Variants in GABRA3 observed in about 807,000 individuals in gnomAD.
GABRA3 encodes the protein gamma-aminobutyric acid type A receptor subunit alpha3, also known as gamma-aminobutyric acid receptor subunit alpha-3.
GABRA3 carries 10 observed loss-of-function variants against 30.1 expected under a neutral mutation model. The ratio of observed to expected loss-of-function variants is 0.33; its 90% CI spans 0.20 to 0.56. GABRA3 has a LOEUF of 0.56. GABRA3 is among the 20% of genes least tolerant of loss of function. The probability of loss-of-function intolerance (pLI) is 0.89; values close to 1 mark genes in which losing one functional copy is unlikely to be tolerated. For synonymous variants in GABRA3, 151 were observed against 146.8 expected (o/e 1.03, Z -0.21); for missense variants, 233 against 392.0 (o/e 0.59, Z 3.42).
Position 152,332,951 on chromosome X carries a change from C to A in GABRA3, c.262+12630G>T, listed in dbSNP as rs189943718. On this transcript the variant is annotated intron_variant, in intron 3 of 9. Coordinates refer to ENST00000370314, the MANE Select transcript of GABRA3 (RefSeq NM_000808.4). Reference sequence around the variant, plus strand: ...CTGAAAATTTCTTCCTAATGGTATACATTATCCACCCATCACAACTCCCTT... The same window carrying A: ...CTGAAAATTTCTTCCTAATGGTATAAATTATCCACCCATCACAACTCCCTT... Among the ~76,000 whole-genome samples, 4 of 112,144 alleles carry A rather than the reference C, an allele frequency of 3.6e-5. No individual in the cohort carries two copies. In the East Asian group the frequency reaches 8.4e-4, roughly 24 times the overall value.
chrX:152,266,220 C>T (rs1363778657), intron 4 of GABRA3, among the ~76,000 whole-genome samples: 1 of 111,618 alleles, frequency 9.0e-6, no homozygotes, highest in Admixed American at 9.5e-5. Flanking sequence ...AATATTGAGG[C>T]AAAGATTTTC....
At chrX:152,406,674 A>T (rs1373261708) in intron 1 of GABRA3, among the ~76,000 whole-genome samples, 1 of 108,653 alleles carries the variant, frequency 9.2e-6, no homozygotes, top group East Asian at 2.9e-4. Flanking sequence ...ACTACTTCCC[A>T]CTTTCAGCAA....
chrX:152,270,806 G>A (rs1301421129), intron 4 of GABRA3, among the ~76,000 whole-genome samples: 1 of 107,165 alleles, frequency 9.3e-6, no homozygotes, highest in Admixed American at 1.0e-4. Flanking sequence ...AGTGAGCCAA[G>A]AACGCATCAC....
At chrX:152,296,713 T>G (rs1022140039) in intron 3 of GABRA3, among the ~76,000 whole-genome samples, 1 of 109,301 alleles carries the variant, frequency 9.1e-6, no homozygotes, top group African/African-American at 3.3e-5. Context: ...CTTTTTTTTT[T>G]TTTTGAGACA....
At chrX:152,267,370 T>C (rs1417734560) in intron 4 of GABRA3, among the ~76,000 whole-genome samples, 3 of 112,035 alleles carry the variant, frequency 2.7e-5, no homozygotes, top group Non-Finnish European at 3.8e-5. Context: ...TCTTACTTGA[T>C]TATGGTGAAT....
At chrX:152,203,222 A>G (rs976250482) in intron 7 of GABRA3, among the ~76,000 whole-genome samples, 1 of 112,084 alleles carries the variant, frequency 8.9e-6, no homozygotes, top group African/African-American at 3.2e-5. Context: ...TTCCATAGGC[A>G]CAATGACTGT....
intron 6 of GABRA3, among the ~76,000 whole-genome samples, chrX:152,210,111 A>C (rs1937615454): frequency 8.9e-6 from 1 of 112,267 alleles, no homozygotes. Context: ...GAAGCGCAAA[A>C]CCTAACTTTC....
chrX:152,285,400 A>T (rs1939275230), intron 3 of GABRA3, among the ~76,000 whole-genome samples: 1 of 111,480 alleles, frequency 9.0e-6, no homozygotes, highest in Non-Finnish European at 1.9e-5. Context: ...TTTGGAGACA[A>T]CTGATATCAT....
At position 152,261,914 on chromosome X, in the gene GABRA3, C is replaced by G. The variant is rs759722355; in HGVS notation, c.331-5916G>C. Among the ~76,000 whole-genome samples, 138 of 112,769 alleles carry G rather than the reference C, an allele frequency of 1.2e-3. 1 individual carries two copies. Among genetic ancestry groups the G allele is most frequent in the African/African-American group, 4.2e-3 (130 of 31,088 alleles). ...GAGGTTATACATGAGTGTTCTGCCC[C>G]TGCAGCAAACTTTTGCCTGGACATC... On this transcript the variant is annotated intron_variant, in intron 4 of 9. Transcript: ENST00000370314.
chrX:152,302,688 G>A (rs56087840), intron 3 of GABRA3, among the ~76,000 whole-genome samples: 11,600 of 110,425 alleles, frequency 0.11, 505 homozygotes, highest in African/African-American at 0.12. Context: ...CAGGTAGTGA[G>A]AACAGTCCAT....
At chrX:152,275,991 TA>T (rs1387151853) in intron 4 of GABRA3, among the ~76,000 whole-genome samples, 3 of 110,386 alleles carry the variant, frequency 2.7e-5, no homozygotes, top group Non-Finnish European at 5.7e-5. Flanking sequence ...AAAGATGGTC[TA>T]ATATTAGGAA....
In GABRA3 at chrX:152,239,680, G is replaced by A. The variant is rs768529154; in HGVS notation, c.552-14835C>T. Among the ~76,000 whole-genome samples the A allele has an allele frequency of 2.8e-3, 261 of 94,132 alleles. 1 individual carries two copies. Among genetic ancestry groups the A allele is most frequent in the African/African-American group, 0.011 (252 of 23,545 alleles). The allele number at this position is 94,132 out of a possible 115,157, so 81.7% of individuals were successfully genotyped here. The stretch of plus-strand genomic sequence containing the variant: ...TTGCTTTATGAATCTGGGTGCTCCT[G>A]TATTGGGTGCATATATATTTAGGAT... On this transcript the variant is annotated intron_variant, in intron 5 of 9. Transcript: ENST00000370314.
intron 6 of GABRA3, among the ~76,000 whole-genome samples, chrX:152,209,941 CACA>C (rs770050183): frequency 7.1e-5 from 8 of 112,427 alleles, no homozygotes; most frequent in Middle Eastern, 4.6e-3. Context: ...ATTTCTTCAA[CACA>C]ACAACAACAA....
chrX:152,224,739 G>A, intron 6 of GABRA3, 24 bp downstream of exon 6: 2 of 825,614 alleles, frequency 2.4e-6, no homozygotes, highest in Non-Finnish European at 3.4e-6. Context: ...AAAAAAGACA[G>A]AGAGAGAGAG....
In GABRA3 at chrX:152,284,499, G is replaced by A. The variant is rs1399431124; in HGVS notation, c.330+169C>T. On this transcript the variant is annotated intron_variant, in intron 4 of 9. Coordinates refer to ENST00000370314, the MANE Select transcript of GABRA3 (RefSeq NM_000808.4). Reference sequence around the variant, plus strand: ...CATTATATGTGAATAGGTGGGGAGAGCAGGGCAAAGATGGATTTGGCTAAA... The same window carrying A: ...CATTATATGTGAATAGGTGGGGAGAACAGGGCAAAGATGGATTTGGCTAAA... 1.5e-4 allele frequency among the ~76,000 whole-genome samples: 17 copies of A among 111,579 alleles called. No homozygotes were observed. In the Admixed American group the frequency reaches 1.6e-3, roughly 11 times the overall value.
intron 3 of GABRA3, among the ~76,000 whole-genome samples, chrX:152,295,112 C>A (rs1475889851): frequency 8.9e-6 from 1 of 112,022 alleles, no homozygotes; most frequent in Admixed American, 9.4e-5. Context: ...GTCAGTTGGC[C>A]CCTATTGGGA....
At chrX:152,211,361 G>A (rs957456114) in intron 6 of GABRA3, among the ~76,000 whole-genome samples, 10 of 108,892 alleles carry the variant, frequency 9.2e-5, no homozygotes, top group African/African-American at 3.0e-4. Context: ...TGTAGCTATC[G>A]GTATCTCAGA....
intron 1 of GABRA3, among the ~76,000 whole-genome samples, chrX:152,390,082 G>A (rs1030864095): frequency 9.0e-6 from 1 of 111,594 alleles, no homozygotes; most frequent in East Asian, 2.8e-4. Flanking sequence ...ATAGCAATGT[G>A]GTATGAACAA....
At chrX:152,319,564 T>C (rs1046619504) in intron 3 of GABRA3, among the ~76,000 whole-genome samples, 2 of 111,852 alleles carry the variant, frequency 1.8e-5, no homozygotes, top group Non-Finnish European at 3.8e-5. Flanking sequence ...TCTCACCTTA[T>C]AGGAAAATCA....
Sources: gnomAD v4.1 joint callset for allele counts (sites outside exome capture counted in the v4.1 genomes callset) on GRCh38, gnomAD v4.1.1 for gene constraint, MANE v1.5 for transcripts, NCBI Gene and HGNC (gene_info 2026-07-23, HGNC 2026-07-21) for gene names.